The following ADAMTS18 variants were observed in gnomAD, a reference collection of about 807,000 sequenced individuals.
ADAMTS18 encodes A disintegrin and metalloproteinase with thrombospondin motifs 18.
A neutral mutation model predicts 165.9 loss-of-function variants in ADAMTS18; 157 were observed. The observed-to-expected ratio is 0.95, with a 90% confidence interval of 0.83 to 1.08. The LOEUF (loss-of-function observed/expected upper bound fraction) is 1.08, where lower values mean the gene tolerates loss of function less well. Ranked by LOEUF, ADAMTS18 falls within the 50% of genes least tolerant of loss-of-function variation. ADAMTS18 has a pLI of 0.00. For synonymous variants in ADAMTS18, 782 were observed against 578.2 expected, an observed-to-expected ratio of 1.35 and a Z score of -5.06; for missense variants, 2,040 against 1,534.0, an observed-to-expected ratio of 1.33 and a Z score of -5.51.
chr16:77,381,590 T>A (rs1276208728), intron 3 of ADAMTS18, among the ~76,000 whole-genome samples: 3 of 151,698 alleles, frequency 2.0e-5, no homozygotes, highest in African/African-American at 7.3e-5. Context: ...GATCACGAGG[T>A]CAGAAGTTCG....
At chr16:77,401,181 G>A (rs1159484889) in intron 3 of ADAMTS18, among the ~76,000 whole-genome samples, 1 of 151,892 alleles carries the variant, frequency 6.6e-6, no homozygotes, top group Admixed American at 6.6e-5. Context: ...CTTGAACCCA[G>A]GGACAGAGGT....
At chr16:77,288,972 C>T (rs980901443) in intron 22 of ADAMTS18, among the ~76,000 whole-genome samples, 1 of 152,164 alleles carries the variant, frequency 6.6e-6, no homozygotes. Context: ...ATAATCCCAG[C>T]TACTCAGGAG....
chr16:77,406,718 A>G (rs1420519674), intron 3 of ADAMTS18, among the ~76,000 whole-genome samples: 2 of 152,168 alleles, frequency 1.3e-5, no homozygotes, highest in Non-Finnish European at 2.9e-5. Context: ...CTAAAAGCCC[A>G]TCAATAGTGA....
intron 11 of ADAMTS18, among the ~76,000 whole-genome samples, chr16:77,340,244 C>T (rs1156906740): frequency 6.6e-6 from 1 of 152,162 alleles, no homozygotes; most frequent in African/African-American, 2.4e-5. Flanking sequence ...GCACAATCTC[C>T]ACTTCCTGCA....
intron 11 of ADAMTS18, 98 bp from the exon 12 acceptor site, chr16:77,336,002 T>C: frequency 4.1e-6 from 6 of 1,480,938 alleles, no homozygotes; most frequent in Non-Finnish European, 4.7e-6. Context: ...AACAGGTCTG[T>C]TGGGAGAAAA....
intron 3 of ADAMTS18, among the ~76,000 whole-genome samples, chr16:77,391,955 G>C (rs988104566): frequency 6.6e-6 from 1 of 152,114 alleles, no homozygotes; most frequent in African/African-American, 2.4e-5. Flanking sequence ...AATTGATACT[G>C]CCATTGAAAA....
rs558211003 is a variant in ADAMTS18, at chr16:77,369,883, T to C, written c.496-2160A>G. On this transcript the variant is annotated intron_variant, in intron 3 of 22. Coordinates refer to ENST00000282849, the MANE Select transcript of ADAMTS18 (RefSeq NM_199355.4). ...ATTCAACAGCACATTAAACAGATCATTCACCATGATCGAGTGGAATTCATC... is the reference window on the plus strand; with the variant it reads ...ATTCAACAGCACATTAAACAGATCACTCACCATGATCGAGTGGAATTCATC... Among the ~76,000 whole-genome samples, 6 of 152,266 alleles carry C rather than the reference T, an allele frequency of 3.9e-5. No homozygotes were observed. The East Asian group carries it at 7.7e-4, about 20-fold the overall frequency.
intron 3 of ADAMTS18, among the ~76,000 whole-genome samples, chr16:77,428,488 T>C (rs571238698): frequency 6.6e-6 from 1 of 152,120 alleles, no homozygotes; most frequent in Non-Finnish European, 1.5e-5. Flanking sequence ...TTCACAACTA[T>C]CAATCAGAAC....
At chr16:77,304,959 T>C (rs907125325) in intron 16 of ADAMTS18, among the ~76,000 whole-genome samples, 1 of 152,260 alleles carries the variant, frequency 6.6e-6, no homozygotes, top group African/African-American at 2.4e-5. Flanking sequence ...TTGCCTTTAA[T>C]GTATGTGTAG....
chr16:77,319,092 G>C (rs977750151), intron 16 of ADAMTS18, among the ~76,000 whole-genome samples: 23 of 152,000 alleles, frequency 1.5e-4, no homozygotes, highest in African/African-American at 5.6e-4. Flanking sequence ...CTGTGGGGAA[G>C]CTACAAACTA....
In ADAMTS18 at chr16:77,367,427, G is replaced by T; in HGVS notation, c.778+14C>A. 1 of 1,614,052 alleles carries T rather than the reference G, an allele frequency of 6.2e-7. No individual in the cohort carries two copies. The highest frequency in any genetic ancestry group is 8.5e-7 in the Non-Finnish European group (1 of 1,180,012). ...CCACATAAGAACAGAAAAAGAAAAA[G>T]TTTCCTTACATACATTTCTTGCGTC... On this transcript the variant is annotated intron_variant, in intron 4 of 22. Transcript: ENST00000282849.
At chr16:77,333,503 AAAT>A (rs1008194336) in intron 12 of ADAMTS18, among the ~76,000 whole-genome samples, 3 of 151,576 alleles carry the variant, frequency 2.0e-5, no homozygotes, top group East Asian at 3.9e-4. Context: ...AAAAAAAAAA[AAAT>A]AAAACAGTGT....
rs745623977 is a variant in ADAMTS18, at chr16:77,364,367, G to A, written c.793C>T (p.Pro265Ser). 1.2e-6 allele frequency: 2 copies of A among 1,613,770 alleles called. No individual in the cohort carries two copies. Among genetic ancestry groups the A allele is most frequent in the South Asian group, 1.1e-5 (1 of 91,042 alleles). The change falls in exon 5 of 23, where the codon CCC (proline) becomes TCC (serine). Residue 265 changes from proline (P) to serine (S), a missense_variant. By Grantham distance (74) the Pro-to-Ser change is moderately conservative. Coordinates refer to ENST00000282849, the MANE Select transcript of ADAMTS18 (RefSeq NM_199355.4). ...GRRKKYAPKP[P>S]TEDTYLRFDE... Reference sequence around the variant, plus strand: ...AACCTTAGATAGGTGTCCTCTGTGGGAGGCTTGGGAGCATCTACGATGAAC... The same window carrying A: ...AACCTTAGATAGGTGTCCTCTGTGGAAGGCTTGGGAGCATCTACGATGAAC...
chr16:77,352,412 G>A (rs1325797150), intron 10 of ADAMTS18, among the ~76,000 whole-genome samples: 2 of 152,188 alleles, frequency 1.3e-5, no homozygotes, highest in Non-Finnish European at 2.9e-5. Context: ...ACATCAATGT[G>A]TGTGACTTGT....
At chr16:77,288,937 T>C (rs982952749) in intron 22 of ADAMTS18, among the ~76,000 whole-genome samples, 43 of 152,184 alleles carry the variant, frequency 2.8e-4, no homozygotes, top group African/African-American at 9.1e-4. Flanking sequence ...ATTCAAAAAT[T>C]AGCCAGGCGT....
At chr16:77,425,273 G>T (rs2057656944) in intron 3 of ADAMTS18, among the ~76,000 whole-genome samples, 1 of 152,174 alleles carries the variant, frequency 6.6e-6, no homozygotes, top group Admixed American at 6.5e-5. Flanking sequence ...AAAGAAAAGA[G>T]AAACGAGGGG....
chr16:77,358,768 A>C (rs2056668594), intron 8 of ADAMTS18, among the ~76,000 whole-genome samples: 1 of 152,176 alleles, frequency 6.6e-6, no homozygotes, highest in African/African-American at 2.4e-5. Context: ...TGAAATAATT[A>C]TTTTGTAAAG....
Position 77,324,743 on chromosome 16 carries a change from T to C in ADAMTS18, c.2032+1123A>G, listed in dbSNP as rs2056063495. On this transcript the variant is annotated intron_variant, in intron 13 of 22. Coordinates refer to ENST00000282849, the MANE Select transcript of ADAMTS18 (RefSeq NM_199355.4). ...ATGTTCTCAGCCCTTGAATTAATTC[T>C]GTTATCTAAAGCAATTTGAAATAAA... Among the ~76,000 whole-genome samples the C allele has an allele frequency of 3.3e-5, 5 of 152,360 alleles. No individual in the cohort carries two copies. In the South Asian group the frequency reaches 1.0e-3, roughly 32 times the overall value.
At chr16:77,419,868 T>C (rs1172010614) in intron 3 of ADAMTS18, among the ~76,000 whole-genome samples, 1 of 151,682 alleles carries the variant, frequency 6.6e-6, no homozygotes, top group Non-Finnish European at 1.5e-5. Flanking sequence ...GGTATGGTAG[T>C]GGCGCCTGTA....
Sources: allele counts gnomAD v4.1 joint callset (sites outside exome capture counted in the v4.1 genomes callset), GRCh38; gene constraint gnomAD v4.1.1; transcripts MANE v1.5; gene names NCBI Gene and HGNC (gene_info 2026-07-23, HGNC 2026-07-21).